WDR27: variants seen among roughly 807,000 people sequenced by gnomAD.
WDR27 encodes the protein WD repeat domain 27, also known as WD repeat-containing protein 27.
WDR27 carries 100 observed loss-of-function variants against 114.4 expected under a neutral mutation model. The ratio of observed to expected loss-of-function variants is 0.87; its 90% CI spans 0.74 to 1.03. WDR27 has a LOEUF of 1.03. WDR27 is among the 50% of genes least tolerant of loss of function. WDR27 has a pLI of 0.00. For synonymous variants in WDR27, 449 were observed against 423.1 expected (o/e 1.06, Z -0.75); for missense variants, 1,129 against 1,092.9 (o/e 1.03, Z -0.47).
At chr6:169,666,508 C>T (rs1185433900) in intron 6 of WDR27, 9 of 985,392 alleles carry the variant, frequency 9.1e-6, no homozygotes, top group South Asian at 4.7e-5. Flanking sequence ...ATGCAGGAAA[C>T]CAGTGCCCTA....
chr6:169,657,012 G>C (rs571161477), intron 13 of WDR27, among the ~76,000 whole-genome samples: 10 of 152,156 alleles, frequency 6.6e-5, no homozygotes, highest in Non-Finnish European at 1.3e-4. Context: ...CCATGGTGAT[G>C]GGACGGCAGC....
chr6:169,496,021 A>AATACT (rs1790359690), intron 25 of WDR27, among the ~76,000 whole-genome samples: 1 of 152,108 alleles, frequency 6.6e-6, no homozygotes, highest in South Asian at 2.1e-4. Context: ...TTCTCAACAA[A>AATACT]ATACTAGCAA....
At chr6:169,628,461 A>G (rs1413345375) in intron 21 of WDR27, among the ~76,000 whole-genome samples, 1 of 152,228 alleles carries the variant, frequency 6.6e-6, no homozygotes, top group Non-Finnish European at 1.5e-5. Flanking sequence ...CAGGGAGACC[A>G]GGACACCACA....
intron 8 of WDR27, among the ~76,000 whole-genome samples, chr6:169,662,715 ACG>A (rs1562860938): frequency 2.2e-5 from 3 of 139,532 alleles, no homozygotes; most frequent in African/African-American, 8.3e-5. Flanking sequence ...ACCCAGCATG[ACG>A]CGTGTGCACC....
intron 25 of WDR27, among the ~76,000 whole-genome samples, chr6:169,516,173 C>T (rs1181486740): frequency 2.6e-5 from 4 of 152,178 alleles, no homozygotes; most frequent in South Asian, 2.1e-4. Flanking sequence ...GCTGCAACAA[C>T]TGGAAGAGCC....
At chr6:169,608,410 G>A (rs1809736588) in intron 22 of WDR27, among the ~76,000 whole-genome samples, 1 of 152,074 alleles carries the variant, frequency 6.6e-6, no homozygotes, top group Non-Finnish European at 1.5e-5. Flanking sequence ...AAAAGAAAGA[G>A]GTTTAATTAA....
At chr6:169,427,148 G>A in the WDR27 span, 1 of 152,574 alleles carries the variant, frequency 6.6e-6, no homozygotes, top group East Asian at 1.9e-4. Flanking sequence ...AAAGGCCTTG[G>A]AGCAGAGTCC....
At chr6:169,434,114 G>A in the WDR27 span, among the ~76,000 whole-genome samples, 1,713 of 152,198 alleles carry the variant, frequency 0.011, 13 homozygotes, top group Middle Eastern at 0.027. Flanking sequence ...TGTCAATTTC[G>A]GCTTTTGTTG....
intron 25 of WDR27, among the ~76,000 whole-genome samples, chr6:169,522,296 G>A (rs186679324): frequency 2.0e-4 from 31 of 151,966 alleles, no homozygotes; most frequent in Non-Finnish European, 3.1e-4. Context: ...AAATATCTAC[G>A]CACCCAACAC....
intron 16 of WDR27, among the ~76,000 whole-genome samples, chr6:169,644,227 C>T (rs370187702): frequency 1.0e-5 from 1 of 98,856 alleles, no homozygotes; most frequent in Non-Finnish European, 2.1e-5. Flanking sequence ...CTGTTGAAAA[C>T]CCTAGTTCAC....
intron 22 of WDR27, among the ~76,000 whole-genome samples, chr6:169,603,420 AG>A (rs1808455553): frequency 6.6e-6 from 1 of 152,208 alleles, no homozygotes; most frequent in Non-Finnish European, 1.5e-5. Context: ...TTAAAAAAAA[AG>A]AAACACAAAG....
rs1344213820 is a variant in WDR27, at chr6:169,633,074, A to G, written c.2102-6T>C. On this transcript the variant is annotated splice_region_variant and splice_polypyrimidine_tract_variant and intron_variant, in intron 20 of 25. Transcript: ENST00000448612. ...GCCAGCTGCGAGTACGATGTCTGCG[A>G]TAATCCAGTTAGGGAGCTCTTCTCA... 6.3e-7 allele frequency: 1 copy of G among 1,575,150 alleles called. No individual in the cohort carries two copies. Among genetic ancestry groups the G allele is most frequent in the Non-Finnish European group, 8.7e-7 (1 of 1,150,136 alleles).
At chr6:169,462,050 A>G (rs1275172705) in intron 25 of WDR27, among the ~76,000 whole-genome samples, 1 of 152,120 alleles carries the variant, frequency 6.6e-6, no homozygotes, top group Non-Finnish European at 1.5e-5. Context: ...AAATGTACAC[A>G]TTCCCAGAAT....
rs1489675042 is a variant in WDR27 at position 169,658,348 on chromosome 6, G to A, written c.1330C>T (p.Leu444=). ...SLSVPASSCV[L]PTSPLYLGIA... ...CCCAGATACAGTGGAGAGGTCGGTAGGACACAGGAGCTGAAACAGAAACAA... is the reference window on the plus strand; with the variant it reads ...CCCAGATACAGTGGAGAGGTCGGTAAGACACAGGAGCTGAAACAGAAACAA... Residue 444 remains leucine (L), a synonymous_variant, in exon 13 of 26, where the codon CTA becomes TTA. Transcript: ENST00000448612. The A allele has an allele frequency of 1.3e-6, 2 of 1,595,594 alleles. No homozygotes were observed. Among genetic ancestry groups the A allele is most frequent in the Non-Finnish European group, 1.7e-6 (2 of 1,171,334 alleles).
At chr6:169,636,541 A>C (rs754688044) in intron 18 of WDR27, 37 bp from the exon 19 acceptor site, 1 of 1,559,738 alleles carries the variant, frequency 6.4e-7, no homozygotes. Context: ...CAATATAATA[A>C]ATGTTAACAA....
chr6:169,622,997 T>G (rs529935676), intron 21 of WDR27, among the ~76,000 whole-genome samples: 3 of 152,276 alleles, frequency 2.0e-5, no homozygotes, highest in South Asian at 4.1e-4. Context: ...GCTCAAAGAT[T>G]AGAAATTATG....
chr6:169,613,983 T>C (rs1185673809), intron 21 of WDR27, among the ~76,000 whole-genome samples: 3 of 152,314 alleles, frequency 2.0e-5, no homozygotes, highest in East Asian at 3.9e-4. Flanking sequence ...CCACATTCAA[T>C]AAATCATCTG....
chr6:169,654,634 C>G (rs9383513), intron 13 of WDR27, among the ~76,000 whole-genome samples: 12,755 of 152,216 alleles, frequency 0.084, 1,737 homozygotes, highest in East Asian at 0.61. Context: ...AATTTAGATG[C>G]GAAAAGCAGC....
intron 25 of WDR27, among the ~76,000 whole-genome samples, chr6:169,495,284 G>A (rs539981681): frequency 2.0e-4 from 30 of 151,966 alleles, no homozygotes; most frequent in Non-Finnish European, 4.1e-4. Context: ...TAATATATGA[G>A]ACACAGTAAA....
Sources: gnomAD v4.1 joint callset for allele counts (sites outside exome capture counted in the v4.1 genomes callset) on GRCh38, gnomAD v4.1.1 for gene constraint, MANE v1.5 for transcripts, NCBI Gene and HGNC (gene_info 2026-07-23, HGNC 2026-07-21) for gene names.